Variants in OR51B5 observed in about 807,000 individuals in gnomAD.
OR51B5 encodes olfactory receptor 51B5.
For missense variants in OR51B5, 456 were observed against 374.6 expected (o/e 1.22, Z -1.79); for synonymous variants, 186 against 144.8 (o/e 1.28, Z -2.04).
chr11:5,352,135 CTCA>C (rs767094721), intron 1 of OR51B5: 63 of 1,614,020 alleles, frequency 3.9e-5, no homozygotes, highest in Middle Eastern at 1.6e-4. Flanking sequence ...GTTGGACTTT[CTCA>C]TCATCTTTTT....
intron 1 of OR51B5, among the ~76,000 whole-genome samples, chr11:5,474,339 A>G (rs1426202974): frequency 6.6e-6 from 1 of 152,134 alleles, no homozygotes. Flanking sequence ...CAACACACAC[A>G]CATAAAATCA....
chr11:5,348,058 A>G (rs34853600), upstream of OR51B5, among the ~76,000 whole-genome samples: 45,054 of 151,948 alleles, frequency 0.3, 7,373 homozygotes, highest in Non-Finnish European at 0.38. Flanking sequence ...GCAAAAAAAA[A>G]ACAGAGAGAT....
chr11:5,363,357 T>TG (rs1205401267), intron 1 of OR51B5, among the ~76,000 whole-genome samples: 9 of 146,292 alleles, frequency 6.2e-5, no homozygotes, highest in Non-Finnish European at 1.2e-4. Flanking sequence ...TTTTTGGTTT[T>TG]TGTTTTTTTT....
chr11:5,416,556 G>C (rs2133755509), intron 1 of OR51B5, among the ~76,000 whole-genome samples: 1 of 151,670 alleles, frequency 6.6e-6, no homozygotes, highest in East Asian at 1.9e-4. Context: ...ATCTCCTTAA[G>C]CTGATAAGCA....
intron 1 of OR51B5, among the ~76,000 whole-genome samples, chr11:5,495,791 G>C (rs544537001): frequency 6.6e-6 from 1 of 152,258 alleles, no homozygotes; most frequent in South Asian, 2.1e-4. Flanking sequence ...CATATAGAGT[G>C]ACTGAATGGA....
At chr11:5,415,847 A>G (rs1482718634) in intron 1 of OR51B5, among the ~76,000 whole-genome samples, 6 of 152,032 alleles carry the variant, frequency 3.9e-5, no homozygotes, top group Admixed American at 3.9e-4. Context: ...TACCAGAGGT[A>G]CAAGGAGGAA....
At chr11:5,488,152 G>C (rs2133812891) in intron 1 of OR51B5, among the ~76,000 whole-genome samples, 2 of 152,244 alleles carry the variant, frequency 1.3e-5, no homozygotes, top group Non-Finnish European at 2.9e-5. Flanking sequence ...AGAGGTTACG[G>C]TTGCATAAAG....
rs917783209 is a variant in OR51B5 at position 5,342,989 on chromosome 11, T to C, written c.536A>G (p.His179Arg). The C allele has an allele frequency of 3.7e-6, 6 of 1,613,384 alleles. No homozygotes were observed. Among genetic ancestry groups the C allele is most frequent in the African/African-American group, 1.3e-5 (1 of 74,964 alleles). ...ACAGGCGAGTTTAATGACATCCTGG[T>C]GAAGGCAGAATGCATGTGAAAGAAC... The change falls in exon 1 of 1, where the codon CAC (histidine) becomes CGC (arginine). Residue 179 changes from histidine (H) to arginine (R), a missense_variant. Physicochemically the swap from His to Arg is conservative, Grantham distance 29 (BLOSUM62 0). Transcript: ENST00000300773.
intron 1 of OR51B5, chr11:5,489,623 G>A (rs750493326): frequency 9.9e-6 from 16 of 1,613,572 alleles, no homozygotes; most frequent in Admixed American, 1.7e-5. Flanking sequence ...ATTCGGAGTC[G>A]ACTTCTAAAA....
intron 1 of OR51B5, among the ~76,000 whole-genome samples, chr11:5,370,865 G>T (rs993472332): frequency 2.0e-5 from 3 of 152,202 alleles, no homozygotes; most frequent in Admixed American, 1.3e-4. Flanking sequence ...GTTCTGAGAG[G>T]AGGTAATATT....
chr11:5,415,485 G>A lies in OR51B5; in HGVS notation n.85-68575C>T, dbSNP rs569204999. On this transcript the variant is annotated intron_variant and non_coding_transcript_variant, in intron 1 of 4. Transcript: ENST00000415970. ...CCCTTCAAAAAATTAATGAATCCAGGAGCTGGTTTCTTGAAAGGATCAACA... is the reference window on the plus strand; with the variant it reads ...CCCTTCAAAAAATTAATGAATCCAGAAGCTGGTTTCTTGAAAGGATCAACA... 4.1e-4 allele frequency among the ~76,000 whole-genome samples: 62 copies of A among 151,850 alleles called. No homozygotes were observed. The East Asian group carries it at 0.011, about 27-fold the overall frequency.
intron 1 of OR51B5, among the ~76,000 whole-genome samples, chr11:5,374,077 C>T (rs1319496417): frequency 6.6e-6 from 1 of 152,104 alleles, no homozygotes; most frequent in African/African-American, 2.4e-5. Flanking sequence ...CTGGGAGGCA[C>T]CCCCAAGTAA....
At chr11:5,486,117 A>G (rs1214163608) in intron 1 of OR51B5, among the ~76,000 whole-genome samples, 1 of 121,636 alleles carries the variant, frequency 8.2e-6, no homozygotes, top group Non-Finnish European at 1.7e-5. Context: ...TCCAGCCTCC[A>G]CAACTGTGAG....
chr11:5,467,736 C>A (rs1851157988), intron 1 of OR51B5, among the ~76,000 whole-genome samples: 1 of 152,198 alleles, frequency 6.6e-6, no homozygotes, highest in Admixed American at 6.5e-5. Flanking sequence ...TTGCTCACTG[C>A]AGGACACGAG....
intron 1 of OR51B5, chr11:5,453,489 A>T (rs1850888810): frequency 1.3e-6 from 2 of 1,532,300 alleles, no homozygotes; most frequent in African/African-American, 2.8e-5. Flanking sequence ...TTGTTTTGCT[A>T]TGGGGTTGTT....
At chr11:5,404,643 G>T (rs35392185) in intron 1 of OR51B5, among the ~76,000 whole-genome samples, 2 of 152,024 alleles carry the variant, frequency 1.3e-5, no homozygotes, top group African/African-American at 4.8e-5. Context: ...CCCCTTGCAC[G>T]CTGTGGAAGC....
chr11:5,505,380 G>A (rs754546883), intron 1 of OR51B5: 1 of 1,304,128 alleles, frequency 7.7e-7, no homozygotes, highest in South Asian at 1.2e-5. Context: ...GGAGAGGCAA[G>A]ACTTTCCTCT....
chr11:5,389,674 C>G, intron 1 of OR51B5: 1 of 1,613,642 alleles, frequency 6.2e-7, no homozygotes, highest in Non-Finnish European at 8.5e-7. Context: ...CGTTGCCCAC[C>G]ACTATGGGGA....
At chr11:5,340,885 T>TCCAC (rs1848882561), downstream of OR51B5, 1 of 152,194 alleles carries the variant, frequency 6.6e-6, no homozygotes, top group African/African-American at 2.4e-5. Flanking sequence ...TAGTAGAGCA[T>TCCAC]AATTAAGGGA....
Sources: allele counts gnomAD v4.1 joint callset (sites outside exome capture counted in the v4.1 genomes callset), GRCh38; gene constraint gnomAD v4.1.1; transcripts MANE v1.5; gene names NCBI Gene and HGNC (gene_info 2026-07-23, HGNC 2026-07-21).